The following NR2F1 variants were observed in gnomAD, a reference collection of about 807,000 sequenced individuals.
NR2F1 encodes COUP transcription factor 1.
In NR2F1, 1 loss-of-function variant was observed where a neutral mutation model predicts 37.7. The ratio of observed to expected loss-of-function variants is 0.03; its 90% confidence interval spans 0.01 to 0.13. The LOEUF (loss-of-function observed/expected upper bound fraction) is 0.13, where lower values mean the gene tolerates loss of function less well. Ranked by LOEUF, NR2F1 falls within the 10% of genes least tolerant of loss-of-function variation. The probability of loss-of-function intolerance (pLI) is 1.00; values close to 1 mark genes in which losing one functional copy is unlikely to be tolerated. For synonymous variants in NR2F1, 275 were observed against 259.6 expected (o/e 1.06, Z -0.57); for missense variants, 268 against 578.4 (o/e 0.46, Z 5.50).
intron 2 of NR2F1, among the ~76,000 whole-genome samples, chr5:93,591,138 T>G (rs2149944644): frequency 6.6e-6 from 1 of 152,386 alleles, no homozygotes; most frequent in East Asian, 1.9e-4. Context: ...CAGTAATGGT[T>G]ATTTATTTAC....
chr5:93,587,820 G>GA, intron 1 of NR2F1, 97 bp from the exon 2 acceptor site: 1 of 1,304,406 alleles, frequency 7.7e-7, no homozygotes, highest in Non-Finnish European at 1.1e-6. Flanking sequence ...GTGGCTGCGG[G>GA]AAGAGCTTCT....
chr5:93,586,124 A>ACGGAGCTGGGGCCGCCTCCTC (rs1297175059), intron 1 of NR2F1, among the ~76,000 whole-genome samples: 1 of 151,242 alleles, frequency 6.6e-6, no homozygotes, highest in African/African-American at 2.5e-5. Flanking sequence ...TCTCTTCTTC[A>ACGGAGCTGGGGCCGCCTCCTC]CGGAGCTGGG....
At chr5:93,585,584 T>C in intron 1 of NR2F1, 98 bp downstream of exon 1, 6 of 962,442 alleles carry the variant, frequency 6.2e-6, no homozygotes, top group Non-Finnish European at 9.4e-6. Flanking sequence ...GGGCTGGGGC[T>C]CCTGTGGTCC....
In NR2F1 at chr5:93,584,103, TGCTCGGCTCACCGC is replaced by T. The variant is rs1391554550; in HGVS notation, c.-916_-903del. The T allele has an allele frequency of 2.7e-5, 4 of 150,556 alleles. No individual in the cohort carries two copies. Among genetic ancestry groups the T allele is most frequent in the Non-Finnish European group, 5.9e-5 (4 of 67,658 alleles). 9.3% of individuals were successfully genotyped at this position (150,556 alleles called of 1,614,324 possible). ...CCGGCGGCAGCCTCGCCCAGCGCCC[TGCTCGGCTCACCGC>T]GCTCCCCGCACTCCCGAGCCCGGCG... is the stretch of plus-strand genomic sequence containing the variant. On this transcript the variant is annotated 5_prime_UTR_variant, in exon 1 of 3. Transcript: ENST00000327111.
Position 93,587,957 on chromosome 5 carries a change from A to G in NR2F1, c.504A>G (p.Pro168=), listed in dbSNP as rs1356657410. The G allele has an allele frequency of 3.1e-6, 5 of 1,603,978 alleles. No homozygotes were observed. Among genetic ancestry groups the G allele is most frequent in the Admixed American group, 3.4e-5 (2 of 59,604 alleles). ...GAATGCCTCCAACCCAGCCCAATCC[A>G]GGCCAGTACGCACTCACCAACGGGG... The part of the protein sequence containing the change: ...RGRMPPTQPN[P]GQYALTNGDP... The change falls in exon 2 of 3, where the codon CCA becomes CCG. Residue 168 remains proline, a synonymous_variant. Transcript: ENST00000327111.
chr5:93,587,701 G>T, intron 1 of NR2F1: 2 of 566,028 alleles, frequency 3.5e-6, no homozygotes, highest in South Asian at 2.6e-5. Context: ...GTGGCCAGGG[G>T]CTCAGGCAGT....
intron 2 of NR2F1, chr5:93,592,119 T>C (rs1054310317): frequency 1.3e-5 from 2 of 152,190 alleles, no homozygotes; most frequent in African/African-American, 4.8e-5. Flanking sequence ...ATGAAGGTGT[T>C]AGAATGCTTT....
rs1388054275 is a variant in NR2F1, at chr5:93,584,065, C to T, written c.-959C>T. 1 of 151,890 alleles carries T rather than the reference C, an allele frequency of 6.6e-6. No individual in the cohort carries two copies. The highest frequency in any genetic ancestry group is 1.9e-4 in the East Asian group (1 of 5,160). 9.4% of individuals were successfully genotyped at this position (151,890 alleles called of 1,614,324 possible). On this transcript the variant is annotated 5_prime_UTR_variant, in exon 1 of 3. Coordinates refer to ENST00000327111, the MANE Select transcript of NR2F1 (RefSeq NM_005654.6). ...CCTGGACCTGGCCCCCCGACACCCG[C>T]GCGCCCTGATCGCCGGCGGCAGCCT... is the stretch of plus-strand genomic sequence containing the variant.
intron 2 of NR2F1, among the ~76,000 whole-genome samples, chr5:93,592,930 C>A (rs1753357866): frequency 6.6e-6 from 1 of 152,046 alleles, no homozygotes; most frequent in Non-Finnish European, 1.5e-5. Context: ...TCCTATATTG[C>A]TAAAGCGTGG....
intron 2 of NR2F1, among the ~76,000 whole-genome samples, chr5:93,592,575 AG>A (rs1475019256): frequency 1.3e-5 from 2 of 151,900 alleles, no homozygotes; most frequent in African/African-American, 4.8e-5. Flanking sequence ...ACAGATTTTG[AG>A]GTGCTGTCAT....
chr5:93,588,547 G>A, intron 2 of NR2F1, 103 bp downstream of exon 2: 1 of 771,960 alleles, frequency 1.3e-6, no homozygotes, highest in Non-Finnish European at 1.6e-6. Flanking sequence ...CCGGTGCGGG[G>A]CGGGCCGGGC....
At chr5:93,586,410 T>A (rs58823370) in intron 1 of NR2F1, among the ~76,000 whole-genome samples, 28,911 of 151,144 alleles carry the variant, frequency 0.19, 4,675 homozygotes, top group African/African-American at 0.44. Context: ...TTGTTTTTTT[T>A]AAAAAAAAAC....
chr5:93,591,063 T>G (rs1276782840), intron 2 of NR2F1, among the ~76,000 whole-genome samples: 1 of 152,210 alleles, frequency 6.6e-6, no homozygotes, highest in Non-Finnish European at 1.5e-5. Context: ...AACACTAAAC[T>G]CTTCTGAATG....
intron 2 of NR2F1, among the ~76,000 whole-genome samples, chr5:93,590,201 G>A (rs1753307351): frequency 6.6e-6 from 1 of 152,176 alleles, no homozygotes; most frequent in Non-Finnish European, 1.5e-5. Context: ...AGGGAAGCTG[G>A]GGTTTGAAAA....
Position 93,585,072 on chromosome 5 carries a change from G to C in NR2F1, c.49G>C (p.Gly17Arg), listed in dbSNP as rs962179278. 6 of 1,032,048 alleles carry C rather than the reference G, an allele frequency of 5.8e-6. No individual in the cohort carries two copies. Among genetic ancestry groups the C allele is most frequent in the South Asian group, 4.0e-5 (1 of 24,980 alleles). 63.9% of individuals were successfully genotyped at this position (1,032,048 alleles called of 1,614,324 possible). ...GCGAGATCCGCAGGACGACGTGGCC[G>C]GGGGCAACCCCGGCGGCCCCAACCC... is the stretch of plus-strand genomic sequence containing the variant. ...SWRDPQDDVA[G>R]GNPGGPNPAA... Residue 17 changes from glycine to arginine, a missense_variant, in exon 1 of 3, where the codon GGG becomes CGG. Physicochemically the swap from Gly to Arg is moderately radical, Grantham distance 125. Transcript: ENST00000327111.
chr5:93,593,038 TG>T lies in NR2F1; in HGVS notation c.992-520del, dbSNP rs1235159603. 6.6e-6 allele frequency among the ~76,000 whole-genome samples: 1 copy of T among 152,128 alleles called. No individual in the cohort carries two copies. Among genetic ancestry groups the T allele is most frequent in the Non-Finnish European group, 1.5e-5 (1 of 68,016 alleles). On this transcript the variant is annotated intron_variant, in intron 2 of 2. Transcript: ENST00000327111. This position sits in a 1 kb window ranked among gnomAD's most constrained non-coding sequence, Gnocchi z 5.6. ...CTAGGTTCTCCTGGAGGTTTCTGGT[TG>T]GGGTGGTTTGGGTTTGAGAGGGGAC... is the stretch of plus-strand genomic sequence containing the variant.
chr5:93,593,377 G>A lies in NR2F1; in HGVS notation c.992-185G>A, dbSNP rs987632985. On this transcript the variant is annotated intron_variant, in intron 2 of 2. Coordinates refer to ENST00000327111, the MANE Select transcript of NR2F1 (RefSeq NM_005654.6). The surrounding 1 kb of genome is among the most constrained non-coding windows in gnomAD (Gnocchi z 5.6). ...TTATTTGTATTGTATTGGGGGCGGGGGAGGAGGGAATGAAGAAGGGGATGG... is the reference window on the plus strand; with the variant it reads ...TTATTTGTATTGTATTGGGGGCGGGAGAGGAGGGAATGAAGAAGGGGATGG... Among the ~76,000 whole-genome samples, 4 of 152,018 alleles carry A rather than the reference G, an allele frequency of 2.6e-5. No homozygotes were observed. The highest frequency in any genetic ancestry group is 2.6e-4 in the Admixed American group (4 of 15,266).
rs1561522217 is a variant in NR2F1 at position 93,583,320 on chromosome 5, C to T, written c.-1704C>T. On this transcript the variant is annotated 5_prime_UTR_variant, in exon 1 of 3. Coordinates refer to ENST00000327111, the MANE Select transcript of NR2F1 (RefSeq NM_005654.6). ...CTTCTTCTCTTCTCTCTCTCTCTCT[C>T]TCTCCTCTCTCTCTCTCCTCTTTCT... 2 of 151,146 alleles carry T rather than the reference C, an allele frequency of 1.3e-5. No homozygotes were observed. Among genetic ancestry groups the T allele is most frequent in the Admixed American group, 6.6e-5 (1 of 15,176 alleles). 9.4% of individuals were successfully genotyped at this position (151,146 alleles called of 1,614,324 possible).
In NR2F1 at chr5:93,593,502, T is replaced by G; in HGVS notation, c.992-60T>G. On this transcript the variant is annotated intron_variant, in intron 2 of 2. Coordinates refer to ENST00000327111, the MANE Select transcript of NR2F1 (RefSeq NM_005654.6). This position sits in a 1 kb window ranked among gnomAD's most constrained non-coding sequence, Gnocchi z 5.6. ...TGATGGCTTATTTTGCCTTTGCTAT[T>G]TGTCAGCCTAACCGTGTGCTCCCTT... 6.6e-7 allele frequency: 1 copy of G among 1,514,800 alleles called. No homozygotes were observed. Among genetic ancestry groups the G allele is most frequent in the Middle Eastern group, 1.9e-4 (1 of 5,190 alleles). The allele number at this position is 1,514,800 out of a possible 1,614,324, so 93.8% of individuals were successfully genotyped here.
Sources: allele counts gnomAD v4.1 joint callset (sites outside exome capture counted in the v4.1 genomes callset), GRCh38; gene constraint gnomAD v4.1.1; non-coding constraint Gnocchi (gnomAD v3.1); transcripts MANE v1.5; gene names NCBI Gene and HGNC (gene_info 2026-07-23, HGNC 2026-07-21).